Variants in DGKD observed in about 807,000 individuals in gnomAD.
DGKD encodes DAG kinase delta.
A neutral mutation model predicts 154.4 loss-of-function variants in DGKD; 68 were observed. The ratio of observed to expected loss-of-function variants is 0.44; its 90% CI spans 0.36 to 0.54. The LOEUF (loss-of-function observed/expected upper bound fraction) is 0.54, where lower values mean the gene tolerates loss of function less well. Among genes scored for constraint, DGKD ranks in the 20% least tolerant of loss-of-function variants. DGKD has a pLI of 0.00. For synonymous variants in DGKD, 693 were observed against 638.0 expected, an observed-to-expected ratio of 1.09 and a Z score of -1.30; for missense variants, 1,343 against 1,593.6, an observed-to-expected ratio of 0.84 and a Z score of 2.68.
chr2:233,467,849 G>A (rs1008794057), intron 28 of DGKD, among the ~76,000 whole-genome samples: 4 of 152,168 alleles, frequency 2.6e-5, no homozygotes, highest in African/African-American at 9.7e-5. Context: ...TTGCATGTTT[G>A]TCCAGAAATG....
chr2:233,449,563 C>G lies in DGKD; in HGVS notation c.1888+187C>G, dbSNP rs997442149. 1.3e-5 allele frequency among the ~76,000 whole-genome samples: 2 copies of G among 152,184 alleles called. No individual in the cohort carries two copies. The highest frequency in any genetic ancestry group is 2.4e-5 in the African/African-American group (1 of 41,456). The stretch of plus-strand genomic sequence containing the variant: ...CCCTCCTTCCACCCCTCCTCTCACA[C>G]CCTCAGACCCCTTCATGCTGCCTCC... On this transcript the variant is annotated intron_variant, in intron 15 of 29. Coordinates refer to ENST00000264057, the MANE Select transcript of DGKD (RefSeq NM_152879.3). This position sits in a 1 kb window ranked among gnomAD's most constrained non-coding sequence, Gnocchi z 5.3.
chr2:233,381,818 C>G (rs1702920051), intron 1 of DGKD, among the ~76,000 whole-genome samples: 1 of 151,180 alleles, frequency 6.6e-6, no homozygotes, highest in South Asian at 2.1e-4. Context: ...GTTACTCAGT[C>G]TCTCTGTTTA....
At position 233,434,942 on chromosome 2, in the gene DGKD, T is replaced by C. The variant is rs574256020; in HGVS notation, c.586+41T>C. Reference sequence around the variant, plus strand: ...TGTTATTCTGTCAGGAAAGGTGGCCTGGCATTTTACTTGATAAAGCCTTGG... The same window carrying C: ...TGTTATTCTGTCAGGAAAGGTGGCCCGGCATTTTACTTGATAAAGCCTTGG... On this transcript the variant is annotated intron_variant, in intron 5 of 29. Transcript: ENST00000264057. The C allele has an allele frequency of 6.9e-6, 11 of 1,585,422 alleles. No homozygotes were observed. In the Admixed American group the frequency reaches 1.9e-4, roughly 27 times the overall value.
In DGKD at chr2:233,365,433, G is replaced by A. The variant is rs534461334; in HGVS notation, c.156+10759G>A. Among the ~76,000 whole-genome samples, 122 of 152,136 alleles carry A rather than the reference G, an allele frequency of 8.0e-4. 1 individual carries two copies. The highest frequency in any genetic ancestry group is 2.8e-3 in the African/African-American group (118 of 41,512). On this transcript the variant is annotated intron_variant, in intron 1 of 29. Transcript: ENST00000264057. ...TTTGTATTTTTAATAGAGATGGAGG[G>A]GGGGTCTCACCGTCTTGGTTAGGCT...
chr2:233,462,541 G>C (rs575574285), intron 25 of DGKD, 82 bp downstream of exon 25: 2 of 1,516,412 alleles, frequency 1.3e-6, no homozygotes, highest in South Asian at 2.3e-5. Flanking sequence ...TCATTCCCCC[G>C]CCTCCCCGGT....
Position 233,425,896 on chromosome 2 carries a change from G to A in DGKD, c.349-8484G>A, listed in dbSNP as rs563730441. Among the ~76,000 whole-genome samples, 52 of 152,318 alleles carry A rather than the reference G, an allele frequency of 3.4e-4. No individual in the cohort carries two copies. The South Asian group carries it at 0.011, about 31-fold the overall frequency. On this transcript the variant is annotated intron_variant, in intron 3 of 29. Coordinates refer to ENST00000264057, the MANE Select transcript of DGKD (RefSeq NM_152879.3). The stretch of plus-strand genomic sequence containing the variant: ...GTATGTGATTTCTCATGAAGATACA[G>A]GAGAGGATAAATTTATAGAAGCATG...
chr2:233,453,320 C>T (rs771112036), intron 18 of DGKD, among the ~76,000 whole-genome samples: 1 of 152,182 alleles, frequency 6.6e-6, no homozygotes, highest in Non-Finnish European at 1.5e-5. Context: ...TGCCGCCCCT[C>T]CTGCTCCAGG....
At chr2:233,373,986 T>C (rs924951594) in intron 1 of DGKD, among the ~76,000 whole-genome samples, 1 of 152,150 alleles carries the variant, frequency 6.6e-6, no homozygotes, top group Admixed American at 6.5e-5. Context: ...AATTTGTACA[T>C]CATGTAACTC....
intron 18 of DGKD, among the ~76,000 whole-genome samples, chr2:233,453,475 C>T (rs552185490): frequency 6.6e-6 from 1 of 152,240 alleles, no homozygotes; most frequent in African/African-American, 2.4e-5. Flanking sequence ...GAGCTTTGCT[C>T]TGGCTCAGCT....
At chr2:233,444,043 G>A (rs564661212) in intron 10 of DGKD, among the ~76,000 whole-genome samples, 1 of 152,134 alleles carries the variant, frequency 6.6e-6, no homozygotes, top group South Asian at 2.1e-4. Context: ...GCTTTTGAAC[G>A]CTCAGCGACT....
chr2:233,370,840 A>G (rs1484500198), intron 1 of DGKD, among the ~76,000 whole-genome samples: 1 of 151,316 alleles, frequency 6.6e-6, no homozygotes, highest in Non-Finnish European at 1.5e-5. Context: ...CAGCCTCCAC[A>G]TCTTGGGCTC....
At chr2:233,434,679 T>C in intron 4 of DGKD, 90 bp from the exon 5 acceptor site, 2 of 1,559,224 alleles carry the variant, frequency 1.3e-6, no homozygotes, top group African/African-American at 1.4e-5. Flanking sequence ...TCTCCTCTCT[T>C]GGATACTTTG....
intron 3 of DGKD, among the ~76,000 whole-genome samples, chr2:233,417,739 G>A (rs1240718908): frequency 6.6e-6 from 1 of 152,144 alleles, no homozygotes; most frequent in Non-Finnish European, 1.5e-5. Context: ...ATATAGACCT[G>A]CGATTCTCAA....
chr2:233,450,068 G>T lies in DGKD; in HGVS notation c.1975G>T (p.Val659Leu), dbSNP rs764283254. 9.9e-6 allele frequency: 16 copies of T among 1,613,932 alleles called. No homozygotes were observed. The East Asian group carries it at 1.8e-4, about 18-fold the overall frequency. The change falls in exon 16 of 30, where the codon GTG (valine) becomes TTG (leucine). Residue 659 changes from valine to leucine, a missense_variant. By Grantham distance (32) the Val-to-Leu change is conservative (BLOSUM62 1). Coordinates refer to ENST00000264057, the MANE Select transcript of DGKD (RefSeq NM_152879.3). ...GTCAGAGGAGAAGATGGACCACAGA[G>T]TGTGCCCACCACTGTCCCACAGCGA... ...SESEEKMDHRVCPPLSHSESF... is the reference protein window; with the variant it reads ...SESEEKMDHRLCPPLSHSESF...
At chr2:233,421,862 C>G (rs975587201) in intron 3 of DGKD, among the ~76,000 whole-genome samples, 1 of 152,214 alleles carries the variant, frequency 6.6e-6, no homozygotes, top group Non-Finnish European at 1.5e-5. Context: ...TTTCTGTTTG[C>G]TCAAGTGAAA....
chr2:233,420,080 C>T (rs967827543), intron 3 of DGKD, among the ~76,000 whole-genome samples: 5 of 152,180 alleles, frequency 3.3e-5, no homozygotes, highest in South Asian at 2.1e-4. Context: ...TGCCATGAGA[C>T]GCGTGGCAGT....
At chr2:233,400,179 T>C (rs1481597577) in intron 3 of DGKD, among the ~76,000 whole-genome samples, 2 of 152,144 alleles carry the variant, frequency 1.3e-5, no homozygotes, top group African/African-American at 4.8e-5. Flanking sequence ...CTGTGTCCCT[T>C]GTGAAGGAGG....
Position 233,449,269 on chromosome 2 carries a change from C to T in DGKD, c.1781C>T (p.Ser594Leu). 6.2e-7 allele frequency: 1 copy of T among 1,613,582 alleles called. No homozygotes were observed. The highest frequency in any genetic ancestry group is 8.5e-7 in the Non-Finnish European group (1 of 1,179,754). ...TCCACCGGAGACCGCTTGGTGGCAT[C>T]AGCTTGCCCGGCCCGGCCGCAGATA... is the stretch of plus-strand genomic sequence containing the variant. ...CGSTGDRLVASACPARPQIFR... is the reference protein window; with the variant it reads ...CGSTGDRLVALACPARPQIFR... Residue 594 changes from serine to leucine, a missense_variant, in exon 15 of 30, where the codon TCA (serine) becomes TTA (leucine). By Grantham distance (145) the Ser-to-Leu change is moderately radical. Coordinates refer to ENST00000264057, the MANE Select transcript of DGKD (RefSeq NM_152879.3). This position sits in a 1 kb window ranked among gnomAD's most constrained non-coding sequence, Gnocchi z 5.3.
In DGKD at chr2:233,462,333, T is replaced by G. The variant is rs1252219195; in HGVS notation, c.2982-15T>G. ...ATTTGGCCTGACATCTGCCCGTGCT[T>G]CTCTTCCTCTCTAGTATCCGAGAAA... On this transcript the variant is annotated splice_polypyrimidine_tract_variant and intron_variant, in intron 24 of 29. Transcript: ENST00000264057. 2.5e-6 allele frequency: 4 copies of G among 1,588,588 alleles called. No individual in the cohort carries two copies. The African/African-American group carries it at 5.4e-5, about 21-fold the overall frequency.
Sources: allele counts gnomAD v4.1 joint callset (sites outside exome capture counted in the v4.1 genomes callset), GRCh38; gene constraint gnomAD v4.1.1; non-coding constraint Gnocchi (gnomAD v3.1); transcripts MANE v1.5; gene names NCBI Gene and HGNC (gene_info 2026-07-23, HGNC 2026-07-21).